The following ZFP64 variants were observed in gnomAD, a reference collection of about 807,000 sequenced individuals.
ZFP64 encodes the protein zinc finger protein 64.
A neutral mutation model predicts 51.6 loss-of-function variants in ZFP64; 14 were observed. The observed-to-expected ratio is 0.27, with a 90% CI of 0.18 to 0.42. ZFP64 has a LOEUF of 0.42. Ranked by LOEUF, ZFP64 falls within the 10% of genes least tolerant of loss-of-function variation. The pLI is 1.00. For synonymous variants in ZFP64, 375 were observed against 361.4 expected (o/e 1.04, Z -0.43); for missense variants, 754 against 906.8 (o/e 0.83, Z 2.16).
intron 3 of ZFP64, 158 bp downstream of exon 3, chr20:52,165,706 G>T: frequency 1.1e-6 from 1 of 940,732 alleles, no homozygotes; most frequent in Non-Finnish European, 1.7e-6. Context: ...TGGGAGATAG[G>T]TTGTATGTGC....
rs146594202 is a variant in ZFP64 at position 52,151,588 on chromosome 20, C to T, written c.*558G>A. The T allele has an allele frequency of 6.2e-4, 613 of 986,236 alleles. 4 individuals are homozygous for T. The African/African-American group carries it at 9.9e-3, about 16-fold the overall frequency. 61.1% of individuals were successfully genotyped at this position (986,236 alleles called of 1,614,324 possible). ...CACTACTTAATGCATTTAATTCCAA[C>T]CCCTCATTGGAATCATCTTGGTAAC... On this transcript the variant is annotated 3_prime_UTR_variant, in exon 6 of 6. Coordinates refer to ENST00000216923, the MANE Select transcript of ZFP64 (RefSeq NM_018197.3).
chr20:52,167,602 C>T (rs1298670946), intron 2 of ZFP64, among the ~76,000 whole-genome samples: 1 of 139,054 alleles, frequency 7.2e-6, no homozygotes, highest in Non-Finnish European at 1.5e-5. Context: ...CTTTCTTTTT[C>T]TGGTTCTTTC....
At chr20:52,105,878 C>A (rs1181203855) in intron 5 of ZFP64, among the ~76,000 whole-genome samples, 1 of 152,098 alleles carries the variant, frequency 6.6e-6, no homozygotes. Flanking sequence ...TCCCTCACCA[C>A]CCCCATCACA....
At chr20:52,113,854 A>T (rs191041417) in intron 5 of ZFP64, among the ~76,000 whole-genome samples, 1 of 152,278 alleles carries the variant, frequency 6.6e-6, no homozygotes, top group African/African-American at 2.4e-5. Context: ...GAAAATGTAC[A>T]AGGTCACTTT....
intron 2 of ZFP64, among the ~76,000 whole-genome samples, chr20:52,172,492 T>C (rs1032146036): frequency 6.6e-6 from 1 of 152,172 alleles, no homozygotes; most frequent in Non-Finnish European, 1.5e-5. Context: ...ATTATTTATC[T>C]GTATTCAGGT....
chr20:52,172,572 T>G (rs553710012), intron 2 of ZFP64, among the ~76,000 whole-genome samples: 1 of 152,176 alleles, frequency 6.6e-6, no homozygotes, highest in South Asian at 2.1e-4. Flanking sequence ...ACGCCCCACA[T>G]CTGCTGAGGC....
chr20:52,176,410 G>A, intron 2 of ZFP64, among the ~76,000 whole-genome samples: 1 of 151,964 alleles, frequency 6.6e-6, no homozygotes, highest in African/African-American at 2.4e-5. Flanking sequence ...TTCTGGGTGG[G>A]GCCGAGACTC....
chr20:52,133,005 T>C (rs985311028), intron 5 of ZFP64, among the ~76,000 whole-genome samples: 12 of 152,078 alleles, frequency 7.9e-5, no homozygotes, highest in African/African-American at 2.9e-4. Flanking sequence ...AGAAAGATCA[T>C]CATGACCAAG....
chr20:52,106,860 G>A (rs1467294480), intron 5 of ZFP64, among the ~76,000 whole-genome samples: 1 of 152,184 alleles, frequency 6.6e-6, no homozygotes, highest in Non-Finnish European at 1.5e-5. Context: ...ACTTTGGGAG[G>A]CCGAGGTGGG....
chr20:52,089,222 A>C (rs1468779253), intron 7 of ZFP64, among the ~76,000 whole-genome samples: 1 of 152,186 alleles, frequency 6.6e-6, no homozygotes, highest in Non-Finnish European at 1.5e-5. Context: ...AAATTAGTTT[A>C]CCCAATAAAC....
intron 2 of ZFP64, among the ~76,000 whole-genome samples, chr20:52,180,948 A>G (rs368399059): frequency 6.6e-6 from 1 of 152,062 alleles, no homozygotes; most frequent in East Asian, 1.9e-4. Context: ...TATTTTTGAG[A>G]TGGACTCTCG....
intron 2 of ZFP64, among the ~76,000 whole-genome samples, chr20:52,180,671 C>T (rs1314337009): frequency 6.6e-6 from 1 of 152,126 alleles, no homozygotes; most frequent in Non-Finnish European, 1.5e-5. Context: ...TTCACAGCCC[C>T]CTGATTATGT....
intron 1 of ZFP64, 141 bp from the exon 2 acceptor site, chr20:52,187,212 C>G (rs1156553232): frequency 2.5e-6 from 2 of 795,504 alleles, no homozygotes; most frequent in Non-Finnish European, 3.9e-6. Flanking sequence ...CCTTCCTCTT[C>G]CTGCGAACTG....
Position 52,153,815 on chromosome 20 carries a change from TTGAG to T in ZFP64, c.764-391_764-388del, listed in dbSNP as rs1981085092. Among the ~76,000 whole-genome samples the T allele has an allele frequency of 6.6e-6, 1 of 152,222 alleles. No individual in the cohort carries two copies. The highest frequency in any genetic ancestry group is 2.4e-5 in the African/African-American group (1 of 41,456). On this transcript the variant is annotated intron_variant, in intron 5 of 5. Transcript: ENST00000216923. This position sits in a 1 kb window ranked among gnomAD's most constrained non-coding sequence, Gnocchi z 5.1. ...CTTTTGCACAACCCGTTGATTTTGA[TTGAG>T]TTACATGTTGTAACAGATTCAACAA... is the stretch of plus-strand genomic sequence containing the variant.
In ZFP64 at chr20:52,152,157, T is replaced by G; in HGVS notation, c.2035A>C (p.Ile679Leu). 6.2e-7 allele frequency: 1 copy of G among 1,612,562 alleles called. No homozygotes were observed. The highest frequency in any genetic ancestry group is 1.1e-5 in the South Asian group (1 of 91,058). Residue 679 changes from isoleucine to leucine, a missense_variant, in exon 6 of 6, where the codon ATT becomes CTT. Physicochemically the swap from Ile to Leu is conservative, Grantham distance 5. Around this residue, in one of 3 missense-constraint regions of ZFP64, gnomAD observed 428 missense variants for 472.4 expected, o/e 0.91. Coordinates refer to ENST00000216923, the MANE Select transcript of ZFP64 (RefSeq NM_018197.3). ...HPALLCPADSIPD is the reference protein window; with the variant it reads ...HPALLCPADSLPD ...TGTTTTTTTAAGCACTAATCTGGAA[T>G]GGAGTCGGCGGGACAGAGCAAAGCT...
chr20:52,175,943 C>A, intron 2 of ZFP64: 1 of 985,210 alleles, frequency 1.0e-6, no homozygotes, highest in African/African-American at 1.7e-5. Flanking sequence ...CCCAAACGGC[C>A]TTTACCGTCC....
chr20:52,110,099 C>T (rs959277732), intron 5 of ZFP64, among the ~76,000 whole-genome samples: 1 of 152,108 alleles, frequency 6.6e-6, no homozygotes. Context: ...TCTATAGCAC[C>T]AATTCCTTCT....
At chr20:52,139,986 T>TTTA (rs1980178415) in intron 5 of ZFP64, among the ~76,000 whole-genome samples, 1 of 152,026 alleles carries the variant, frequency 6.6e-6, no homozygotes, top group Non-Finnish European at 1.5e-5. Context: ...TTTCAAGCTT[T>TTTA]TTATTATTAT....
intron 5 of ZFP64, among the ~76,000 whole-genome samples, chr20:52,101,870 G>C (rs2079054151): frequency 1.4e-5 from 2 of 147,400 alleles, no homozygotes; most frequent in Non-Finnish European, 3.0e-5. Flanking sequence ...TGTAATCCTA[G>C]CATTTTGGGA....
Sources: allele counts gnomAD v4.1 joint callset (sites outside exome capture counted in the v4.1 genomes callset), GRCh38; gene constraint gnomAD v4.1.1; regional missense constraint gnomAD v4.1.1; non-coding constraint Gnocchi (gnomAD v3.1); transcripts MANE v1.5; gene names NCBI Gene and HGNC (gene_info 2026-07-23, HGNC 2026-07-21).